UBE2E2: variants seen among roughly 807,000 people sequenced by gnomAD.
UBE2E2 encodes ubiquitin-conjugating enzyme E2 E2.
A neutral mutation model predicts 24.7 loss-of-function variants in UBE2E2; 6 were observed. The observed-to-expected ratio is 0.24, with a 90% CI of 0.13 to 0.48. UBE2E2 has a LOEUF of 0.48. Among genes scored for constraint, UBE2E2 ranks in the 20% least tolerant of loss-of-function variants. The pLI is 0.99. For synonymous variants in UBE2E2, 104 were observed against 83.6 expected (o/e 1.24, Z -1.33); for missense variants, 169 against 245.0 (o/e 0.69, Z 2.07).
intron 3 of UBE2E2, among the ~76,000 whole-genome samples, chr3:23,326,374 T>G (rs1436147356): frequency 6.6e-6 from 1 of 152,196 alleles, no homozygotes; most frequent in Non-Finnish European, 1.5e-5. Flanking sequence ...CCTGGCCATC[T>G]GTAATCTTTT....
At chr3:23,300,097 G>T (rs887657605) in intron 3 of UBE2E2, among the ~76,000 whole-genome samples, 1 of 152,120 alleles carries the variant, frequency 6.6e-6, no homozygotes, top group African/African-American at 2.4e-5. Flanking sequence ...TCAGAGACTA[G>T]GATTGCAACC....
intron 4 of UBE2E2, among the ~76,000 whole-genome samples, chr3:23,512,455 A>ACCAGTCCTCCTGAGCTCAG (rs1694621980): frequency 6.6e-6 from 1 of 151,938 alleles, no homozygotes. Flanking sequence ...CCTGAGCTCA[A>ACCAGTCCTCCTGAGCTCAG]CCAGTCCTCC....
At chr3:23,259,573 T>TA (rs35443771) in intron 3 of UBE2E2, among the ~76,000 whole-genome samples, 87,540 of 147,896 alleles carry the variant, frequency 0.59, 26,119 homozygotes, top group South Asian at 0.67. Context: ...CCTGGAACTT[T>TA]AAAAAAAAAA....
intron 3 of UBE2E2, among the ~76,000 whole-genome samples, chr3:23,247,378 C>T (rs1187792227): frequency 7.6e-5 from 11 of 144,670 alleles, no homozygotes; most frequent in Non-Finnish European, 9.0e-5. Flanking sequence ...TTTTTTGAGA[C>T]GGAGTCTCGC....
At chr3:23,444,921 T>A (rs1698392802) in intron 3 of UBE2E2, among the ~76,000 whole-genome samples, 1 of 152,162 alleles carries the variant, frequency 6.6e-6, no homozygotes, top group Admixed American at 6.6e-5. Context: ...TATTGGGAGC[T>A]GGAACTAAAT....
intron 3 of UBE2E2, among the ~76,000 whole-genome samples, chr3:23,347,496 T>G (rs1695595232): frequency 6.6e-6 from 1 of 151,660 alleles, no homozygotes; most frequent in Non-Finnish European, 1.5e-5. Flanking sequence ...AAGTGGGAGT[T>G]GAACAATGAG....
chr3:23,518,462 A>G lies in UBE2E2; in HGVS notation c.361-14092A>G, dbSNP rs185487563. Among the ~76,000 whole-genome samples the G allele has an allele frequency of 1.2e-4, 18 of 152,362 alleles. No homozygotes were observed. In the East Asian group the frequency reaches 2.9e-3, roughly 24 times the overall value. On this transcript the variant is annotated intron_variant, in intron 4 of 5. Transcript: ENST00000396703. ...TCTTGAATGCTTGCCACGAAGGCAG[A>G]AAGAGGTATGTTTGTGATAGTCCTG...
At chr3:23,367,584 C>T (rs1164854402) in intron 3 of UBE2E2, among the ~76,000 whole-genome samples, 3 of 152,182 alleles carry the variant, frequency 2.0e-5, no homozygotes, top group African/African-American at 7.2e-5. Flanking sequence ...ATACCTTGCC[C>T]TATGCATGTC....
chr3:23,382,002 C>T (rs1170813886), intron 3 of UBE2E2, among the ~76,000 whole-genome samples: 8 of 152,128 alleles, frequency 5.3e-5, no homozygotes, highest in Admixed American at 1.3e-4. Context: ...TCCCCCGCTA[C>T]TTTCCCATCC....
At chr3:23,538,120 A>AT (rs1553619072) in intron 5 of UBE2E2, among the ~76,000 whole-genome samples, 3 of 151,028 alleles carry the variant, frequency 2.0e-5, no homozygotes, top group Non-Finnish European at 3.0e-5. Context: ...CAAAAAAAAA[A>AT]TTTTTTTTCC....
intron 3 of UBE2E2, among the ~76,000 whole-genome samples, chr3:23,428,675 A>G (rs1697985255): frequency 6.6e-6 from 1 of 152,156 alleles, no homozygotes; most frequent in African/African-American, 2.4e-5. Context: ...CGTTACTAAC[A>G]TCAGAAACAA....
chr3:23,407,573 C>G lies in UBE2E2; in HGVS notation c.228-92035C>G, dbSNP rs538740021. ...CATCCTTTATCTCCTCTGCGCCCCT[C>G]CCTCTACTTTTTATGGTTTGTATGT... On this transcript the variant is annotated intron_variant, in intron 3 of 5. Transcript: ENST00000396703. The surrounding 1 kb of genome is among the most constrained non-coding windows in gnomAD (Gnocchi z 4.0). Among the ~76,000 whole-genome samples the G allele has an allele frequency of 6.6e-6, 1 of 151,392 alleles. No homozygotes were observed. Among genetic ancestry groups the G allele is most frequent in the South Asian group, 2.1e-4 (1 of 4,748 alleles).
rs746761229 is a variant in UBE2E2 at position 23,357,894 on chromosome 3, A to G, written c.227+140582A>G. 1.1e-4 allele frequency among the ~76,000 whole-genome samples: 16 copies of G among 152,222 alleles called. No homozygotes were observed. The South Asian group carries it at 1.4e-3, about 14-fold the overall frequency. ...CACGCTATCACCCAGGCTGGCATGCACTGGCACAATCACAGCTCACTGCAG... is the reference window on the plus strand; with the variant it reads ...CACGCTATCACCCAGGCTGGCATGCGCTGGCACAATCACAGCTCACTGCAG... On this transcript the variant is annotated intron_variant, in intron 3 of 5. Transcript: ENST00000396703.
intron 3 of UBE2E2, among the ~76,000 whole-genome samples, chr3:23,435,584 C>T (rs1249667625): frequency 6.6e-6 from 1 of 152,194 alleles, no homozygotes; most frequent in Non-Finnish European, 1.5e-5. Flanking sequence ...CGTGGAGTTG[C>T]ACTTGGGAAC....
At chr3:23,397,714 C>T (rs1170813180) in intron 3 of UBE2E2, among the ~76,000 whole-genome samples, 1 of 152,100 alleles carries the variant, frequency 6.6e-6, no homozygotes, top group African/African-American at 2.4e-5. Flanking sequence ...GTAATTTGTT[C>T]ATTTTCTTTG....
At chr3:23,480,363 A>G (rs1382277592) in intron 3 of UBE2E2, among the ~76,000 whole-genome samples, 3 of 152,210 alleles carry the variant, frequency 2.0e-5, no homozygotes, top group Non-Finnish European at 2.9e-5. Flanking sequence ...TTTGAAGCCT[A>G]TGGGGGCAGG....
In UBE2E2 at chr3:23,217,247, G is replaced by A. The variant is rs1197257790; in HGVS notation, c.177-15G>A. The A allele has an allele frequency of 3.7e-6, 6 of 1,607,514 alleles. No individual in the cohort carries two copies. The highest frequency in any genetic ancestry group is 4.3e-6 in the Non-Finnish European group (5 of 1,174,822). ...AGATATTTTTAACATAATGTTCTTTGTCTTTATTTTAAAGAATTCAGAAGG... is the reference window on the plus strand; with the variant it reads ...AGATATTTTTAACATAATGTTCTTTATCTTTATTTTAAAGAATTCAGAAGG... On this transcript the variant is annotated splice_polypyrimidine_tract_variant and intron_variant, in intron 2 of 5. Transcript: ENST00000396703.
chr3:23,295,714 G>A lies in UBE2E2; in HGVS notation c.227+78402G>A, dbSNP rs559772369. Among the ~76,000 whole-genome samples, 32 of 152,294 alleles carry A rather than the reference G, an allele frequency of 2.1e-4. 1 individual carries two copies. The South Asian group carries it at 3.9e-3, about 19-fold the overall frequency. ...GGAACAGGGTTTATGTAGCTTGTAC[G>A]TTGCACAGCCTTTGGATTTGTTGTA... On this transcript the variant is annotated intron_variant, in intron 3 of 5. Transcript: ENST00000396703.
At position 23,519,904 on chromosome 3, in the gene UBE2E2, T is replaced by TTAAC. The variant is rs545377909; in HGVS notation, c.361-12648_361-12645dup. Among the ~76,000 whole-genome samples, 20 of 152,232 alleles carry TTAAC rather than the reference T, an allele frequency of 1.3e-4. No homozygotes were observed. In the South Asian group the frequency reaches 4.1e-3, roughly 32 times the overall value. ...TTACCATGTTGCCCACGCAGGTCTCTTAACTCCCAGGCTGAGCCTGAGCCA... is the reference window on the plus strand; with the variant it reads ...TTACCATGTTGCCCACGCAGGTCTCTTAACTAACTCCCAGGCTGAGCCTGAGCCA... On this transcript the variant is annotated intron_variant, in intron 4 of 5. Coordinates refer to ENST00000396703, the MANE Select transcript of UBE2E2 (RefSeq NM_152653.4).
Sources: allele counts gnomAD v4.1 joint callset (sites outside exome capture counted in the v4.1 genomes callset), GRCh38; gene constraint gnomAD v4.1.1; non-coding constraint Gnocchi (gnomAD v3.1); transcripts MANE v1.5; gene names NCBI Gene and HGNC (gene_info 2026-07-23, HGNC 2026-07-21).